The following HS3ST5 variants were observed in gnomAD, a reference collection of about 807,000 sequenced individuals.
HS3ST5 encodes heparan sulfate-glucosamine 3-sulfotransferase 5.
HS3ST5 carries 10 observed loss-of-function variants against 25.4 expected under a neutral mutation model. The observed-to-expected ratio is 0.39, with a 90% CI of 0.24 to 0.67. The LOEUF is 0.67. Ranked by LOEUF, HS3ST5 falls within the 30% of genes least tolerant of loss-of-function variation. The pLI is 0.44. For missense variants in HS3ST5, 324 were observed against 420.7 expected (o/e 0.77, Z 2.01); for synonymous variants, 170 against 162.4 (o/e 1.05, Z -0.36).
At chr6:114,136,055 C>CA (rs1288633071) in intron 3 of HS3ST5, among the ~76,000 whole-genome samples, 1 of 152,228 alleles carries the variant, frequency 6.6e-6, no homozygotes. Context: ...TCAGTGCATA[C>CA]TGGTTGAATG....
At chr6:114,255,644 G>A (rs1450544943) in intron 1 of HS3ST5, among the ~76,000 whole-genome samples, 1 of 152,152 alleles carries the variant, frequency 6.6e-6, no homozygotes, top group African/African-American at 2.4e-5. Flanking sequence ...TGAAATCTAG[G>A]CAGAGATTCC....
intron 1 of HS3ST5, among the ~76,000 whole-genome samples, chr6:114,271,521 A>G (rs1461372521): frequency 6.6e-6 from 1 of 152,050 alleles, no homozygotes; most frequent in Non-Finnish European, 1.5e-5. Flanking sequence ...GGGGAGGCTT[A>G]TGTTTCAGAA....
intron 1 of HS3ST5, among the ~76,000 whole-genome samples, chr6:114,230,911 C>T (rs1387121534): frequency 2.0e-5 from 3 of 152,108 alleles, no homozygotes; most frequent in African/African-American, 7.2e-5. Context: ...TCTTAAAGCA[C>T]TGATCTCATT....
At chr6:114,289,452 T>A (rs553063913) in intron 1 of HS3ST5, among the ~76,000 whole-genome samples, 1 of 152,222 alleles carries the variant, frequency 6.6e-6, no homozygotes, top group Non-Finnish European at 1.5e-5. Context: ...ACCAATTATC[T>A]TCCTCCTCAT....
intron 3 of HS3ST5, among the ~76,000 whole-genome samples, chr6:114,091,318 GC>G (rs1201815229): frequency 1.4e-4 from 21 of 152,186 alleles, no homozygotes; most frequent in Non-Finnish European, 1.2e-4. Context: ...GTCTTCAGAT[GC>G]CAGTCTCATA....
At chr6:114,326,389 C>CAAACA (rs57982006) in intron 1 of HS3ST5, among the ~76,000 whole-genome samples, 9,010 of 151,836 alleles carry the variant, frequency 0.059, 818 homozygotes, top group African/African-American at 0.2. Context: ...GACTCTGTCT[C>CAAACA]AAACAAAACA....
At chr6:114,161,713 C>T (rs73536687) in intron 3 of HS3ST5, among the ~76,000 whole-genome samples, 12,079 of 150,238 alleles carry the variant, frequency 0.08, 567 homozygotes, top group African/African-American at 0.12. Context: ...AATATACAGT[C>T]CACTGGACCC....
intron 3 of HS3ST5, among the ~76,000 whole-genome samples, chr6:114,095,360 T>C (rs1775366580): frequency 6.6e-6 from 1 of 152,144 alleles, no homozygotes; most frequent in South Asian, 2.1e-4. Flanking sequence ...AACCAGTTAT[T>C]CTTTTCTTTG....
chr6:114,124,078 T>G (rs1040478277), intron 3 of HS3ST5, among the ~76,000 whole-genome samples: 5 of 152,204 alleles, frequency 3.3e-5, no homozygotes, highest in African/African-American at 1.2e-4. Context: ...CTTCCTCCCG[T>G]GGTTTCAAGT....
intron 1 of HS3ST5, among the ~76,000 whole-genome samples, chr6:114,277,146 T>G (rs1347249342): frequency 6.6e-6 from 1 of 151,876 alleles, no homozygotes. Context: ...TCATGGTTTT[T>G]CAGGTTAACG....
At chr6:114,170,472 A>G (rs541747784) in intron 2 of HS3ST5, among the ~76,000 whole-genome samples, 33 of 152,166 alleles carry the variant, frequency 2.2e-4, no homozygotes, top group Non-Finnish European at 4.3e-4. Context: ...TTTCTGTTGC[A>G]GTAGTAAATG....
chr6:114,203,312 A>T, intron 2 of HS3ST5, among the ~76,000 whole-genome samples: 1 of 152,192 alleles, frequency 6.6e-6, no homozygotes, highest in East Asian at 1.9e-4. Flanking sequence ...GTTAGCTTTA[A>T]CACAAAGATG....
At chr6:114,301,286 T>C (rs1187769347) in intron 1 of HS3ST5, among the ~76,000 whole-genome samples, 1 of 152,214 alleles carries the variant, frequency 6.6e-6, no homozygotes, top group Admixed American at 6.5e-5. Context: ...ATCTTTGTTA[T>C]TTTTCTAGGA....
intron 1 of HS3ST5, among the ~76,000 whole-genome samples, chr6:114,331,741 A>G (rs1776406164): frequency 6.6e-6 from 1 of 152,266 alleles, no homozygotes; most frequent in South Asian, 2.1e-4. Context: ...GTATTAATCT[A>G]CAGGTCATTT....
chr6:114,215,842 C>T (rs142187781), intron 2 of HS3ST5, among the ~76,000 whole-genome samples: 254 of 152,312 alleles, frequency 1.7e-3, no homozygotes, highest in African/African-American at 6.0e-3. Flanking sequence ...CTTTTCACCT[C>T]CTGTTGAATT....
intron 2 of HS3ST5, among the ~76,000 whole-genome samples, chr6:114,202,566 G>GA (rs1781077093): frequency 6.6e-6 from 1 of 152,100 alleles, no homozygotes; most frequent in Non-Finnish European, 1.5e-5. Flanking sequence ...TTGATGCATG[G>GA]AAAATTAAAA....
intron 2 of HS3ST5, among the ~76,000 whole-genome samples, chr6:114,197,816 A>G (rs1780833376): frequency 6.6e-6 from 1 of 152,172 alleles, no homozygotes; most frequent in Non-Finnish European, 1.5e-5. Context: ...TATTTCAAAA[A>G]GGTAGAAATG....
chr6:114,055,755 T>C lies in HS3ST5; in HGVS notation c.*1502A>G, dbSNP rs114010054. ...CTCACTGTGATGTTGAACAAAACTCTCTCAAACATCTCCCACTGGATTAGC... is the reference window on the plus strand; with the variant it reads ...CTCACTGTGATGTTGAACAAAACTCCCTCAAACATCTCCCACTGGATTAGC... On this transcript the variant is annotated 3_prime_UTR_variant, in exon 5 of 5. Coordinates refer to ENST00000312719, the MANE Select transcript of HS3ST5 (RefSeq NM_153612.4). 623 of 152,202 alleles carry C rather than the reference T, an allele frequency of 4.1e-3. 4 individuals are homozygous for C. The highest frequency in any genetic ancestry group is 0.014 in the African/African-American group (586 of 41,526). 9.4% of individuals were successfully genotyped at this position (152,202 alleles called of 1,614,324 possible).
At chr6:114,289,083 G>A (rs1160106289) in intron 1 of HS3ST5, among the ~76,000 whole-genome samples, 1 of 152,060 alleles carries the variant, frequency 6.6e-6, no homozygotes, top group Non-Finnish European at 1.5e-5. Context: ...GAATGGATGA[G>A]TGAATATATT....
Sources: gnomAD v4.1 joint callset for allele counts (sites outside exome capture counted in the v4.1 genomes callset) on GRCh38, gnomAD v4.1.1 for gene constraint, MANE v1.5 for transcripts, NCBI Gene and HGNC (gene_info 2026-07-23, HGNC 2026-07-21) for gene names.